The following TTC19 variants were observed in gnomAD, a reference collection of about 807,000 sequenced individuals.
TTC19 encodes tetratricopeptide repeat protein 19, mitochondrial.
In TTC19, 38 loss-of-function variants were observed where a neutral mutation model predicts 49.5. That is an observed-to-expected ratio of 0.77 (90% confidence interval 0.59 to 1.01). The LOEUF is 1.01. Ranked by LOEUF, TTC19 falls within the 50% of genes least tolerant of loss-of-function variation. TTC19 has a pLI of 0.00. For synonymous variants in TTC19, 204 were observed against 185.2 expected (o/e 1.10, Z -0.83); for missense variants, 475 against 477.7 (o/e 0.99, Z 0.05).
At position 16,003,869 on chromosome 17, in the gene TTC19, T is replaced by G. The variant is rs1301280448; in HGVS notation, c.501T>G (p.Leu167=). Residue 167 remains leucine (L), a synonymous_variant, in exon 5 of 10, where the codon CTT becomes CTG. Transcript: ENST00000261647. ...QLFKATMSYL[L]GGGMKQEDNA... ...TTAAAGCAACAATGAGTTACCTCCT[T>G]GGAGGGGGCATGAAGCAGGTAAGGA... is the stretch of plus-strand genomic sequence containing the variant. The G allele has an allele frequency of 6.2e-7, 1 of 1,613,772 alleles. No homozygotes were observed. The highest frequency in any genetic ancestry group is 8.5e-7 in the Non-Finnish European group (1 of 1,179,896).
chr17:16,017,076 G>A (rs923854365), intron 7 of TTC19, among the ~76,000 whole-genome samples: 4 of 152,114 alleles, frequency 2.6e-5, no homozygotes, highest in African/African-American at 7.2e-5. Context: ...TATTTGTTAC[G>A]AATTGTCCCT....
intron 7 of TTC19, among the ~76,000 whole-genome samples, chr17:16,012,729 G>A (rs1971111940): frequency 6.6e-6 from 1 of 151,618 alleles, no homozygotes; most frequent in Admixed American, 6.6e-5. Context: ...GTAGAGACGG[G>A]GTTTCTCCAT....
In TTC19 at chr17:16,028,982, G is replaced by C. The variant is rs1350290447; in HGVS notation, c.*1460G>C. 1 of 430,642 alleles carries C rather than the reference G, an allele frequency of 2.3e-6. No individual in the cohort carries two copies. The highest frequency in any genetic ancestry group is 4.5e-6 in the Non-Finnish European group (1 of 219,784). 26.7% of individuals were successfully genotyped at this position (430,642 alleles called of 1,614,324 possible). A position where few individuals can be genotyped will look rare whatever the true frequency, so the allele number is the denominator to read the frequency against. On this transcript the variant is annotated 3_prime_UTR_variant, in exon 10 of 10. Transcript: ENST00000261647. ...CTAATCTCATATTATTTACCATGCA[G>C]CTAATGCCGTTTACCAAGTCTAGCT... is the stretch of plus-strand genomic sequence containing the variant.
At chr17:16,025,460 C>G (rs1971522445) in intron 8 of TTC19, among the ~76,000 whole-genome samples, 1 of 152,198 alleles carries the variant, frequency 6.6e-6, no homozygotes, top group South Asian at 2.1e-4. Context: ...CTTCAATGGA[C>G]ACAGCACAGT....
chr17:16,027,839 G>C lies in TTC19; in HGVS notation c.*317G>C. The C allele has an allele frequency of 2.1e-6, 1 of 485,752 alleles. No homozygotes were observed. Among genetic ancestry groups the C allele is most frequent in the Non-Finnish European group, 4.1e-6 (1 of 246,872 alleles). 30.1% of individuals were successfully genotyped at this position (485,752 alleles called of 1,614,324 possible). A position where few individuals can be genotyped will look rare whatever the true frequency, so the allele number is the denominator to read the frequency against. Reference sequence around the variant, plus strand: ...ATATGGGCTGGTGTTCCTGTGCGCTGTGGGTGTGGTGATTCAGCCTGGCAT... The same window carrying C: ...ATATGGGCTGGTGTTCCTGTGCGCTCTGGGTGTGGTGATTCAGCCTGGCAT... On this transcript the variant is annotated 3_prime_UTR_variant, in exon 10 of 10. Coordinates refer to ENST00000261647, the MANE Select transcript of TTC19 (RefSeq NM_017775.4).
chr17:16,000,419 C>A (rs1228635886), intron 2 of TTC19, 174 bp downstream of exon 2: 15 of 1,461,572 alleles, frequency 1.0e-5, no homozygotes, highest in South Asian at 2.7e-5. Context: ...TCCATCCAGG[C>A]TTTTCCGACT....
chr17:16,018,867 A>G (rs1971288699), intron 7 of TTC19, among the ~76,000 whole-genome samples: 1 of 152,238 alleles, frequency 6.6e-6, no homozygotes, highest in Non-Finnish European at 1.5e-5. Flanking sequence ...TTGAGGACTT[A>G]CCAAATATCT....
At chr17:16,023,166 G>A (rs775196531) in intron 7 of TTC19, among the ~76,000 whole-genome samples, 6 of 152,148 alleles carry the variant, frequency 3.9e-5, no homozygotes, top group Non-Finnish European at 5.9e-5. Context: ...TTTTCAGAAA[G>A]TGTTTCCATT....
intron 6 of TTC19, 113 bp downstream of exon 6, chr17:16,004,375 A>G: frequency 1.0e-6 from 1 of 1,001,796 alleles, no homozygotes; most frequent in East Asian, 2.4e-5. Context: ...TGGGTGTCAC[A>G]CTCAAAGTGT....
rs1199928170 is a variant in TTC19, at chr17:15,999,910, GCCGGGGCTGCTCCGCGCGCCTGCTC to G, written c.72_96del (p.Cys24TrpfsTer69). 3.6e-6 allele frequency: 5 copies of G among 1,387,292 alleles called. No individual in the cohort carries two copies. The highest frequency in any genetic ancestry group is 4.6e-6 in the Non-Finnish European group (5 of 1,080,422). 85.9% of individuals were successfully genotyped at this position (1,387,292 alleles called of 1,614,324 possible). A position where few individuals can be genotyped will look rare whatever the true frequency, so the allele number is the denominator to read the frequency against. On this transcript the variant is annotated frameshift_variant, in exon 1 of 10. Coordinates refer to ENST00000261647, the MANE Select transcript of TTC19 (RefSeq NM_017775.4). LOFTEE classifies it high-confidence loss of function. ...TTCCTGCGGGCCGCGGGGCGGCGGTGCCGGGGCTGCTCCGCGCGCCTGCTCCCGGGGCTGGCAGGAGGTCCGGGGC... is the reference window on the plus strand; with the variant it reads ...TTCCTGCGGGCCGCGGGGCGGCGGTGCCGGGGCTGGCAGGAGGTCCGGGGC...
intron 2 of TTC19, among the ~76,000 whole-genome samples, chr17:16,038,554 G>A (rs569476961): frequency 1.3e-5 from 2 of 150,306 alleles, no homozygotes; most frequent in African/African-American, 4.9e-5. Flanking sequence ...TTCCCACCTC[G>A]GCCCCCACAA....
At chr17:16,007,005 GA>G in intron 7 of TTC19, among the ~76,000 whole-genome samples, 1 of 152,190 alleles carries the variant, frequency 6.6e-6, no homozygotes. Flanking sequence ...GCTAGGAATA[GA>G]ACTGGATGAG....
chr17:16,034,708 C>A lies in TTC19; in HGVS notation c.247+8006C>A, dbSNP rs1249703097. ...TTGCTGAATTTTGAAGAACTAATAA[C>A]CAAGACATTGATATTATTGCTCTGT... On this transcript the variant is annotated intron_variant, in intron 2 of 2. Transcript: ENST00000470649. The A allele has an allele frequency of 2.1e-6, 3 of 1,443,796 alleles. No homozygotes were observed. The African/African-American group carries it at 4.3e-5, about 21-fold the overall frequency. 89.4% of individuals were successfully genotyped at this position (1,443,796 alleles called of 1,614,324 possible). A position where few individuals can be genotyped will look rare whatever the true frequency, so the allele number is the denominator to read the frequency against.
chr17:16,021,842 T>C (rs534577997), intron 7 of TTC19, among the ~76,000 whole-genome samples: 1 of 152,348 alleles, frequency 6.6e-6, no homozygotes, highest in Admixed American at 6.5e-5. Context: ...ACATTCATCT[T>C]CAGCAAGGTT....
intron 2 of TTC19, among the ~76,000 whole-genome samples, chr17:16,001,210 A>G (rs1970718650): frequency 6.6e-6 from 1 of 151,986 alleles, no homozygotes; most frequent in Non-Finnish European, 1.5e-5. Context: ...ATGGCTACCC[A>G]CTGCATTTAT....
chr17:16,037,083 C>A (rs1215992670), intron 2 of TTC19, among the ~76,000 whole-genome samples: 1 of 152,072 alleles, frequency 6.6e-6, no homozygotes, highest in African/African-American at 2.4e-5. Flanking sequence ...GGTTAATTGG[C>A]CGAATTTGAA....
Position 16,028,543 on chromosome 17 carries a change from T to A in TTC19, c.*1021T>A. On this transcript the variant is annotated 3_prime_UTR_variant, in exon 10 of 10. Transcript: ENST00000261647. The stretch of plus-strand genomic sequence containing the variant: ...GAATAGACTGCTGTGCTGAAAGAGC[T>A]TTATCACACTGTCTCAAAGTATGTA... 2.2e-6 allele frequency: 1 copy of A among 454,050 alleles called. No individual in the cohort carries two copies. The highest frequency in any genetic ancestry group is 4.4e-6 in the Non-Finnish European group (1 of 226,770). 28.1% of individuals were successfully genotyped at this position (454,050 alleles called of 1,614,324 possible).
At chr17:16,034,438 T>A (rs1484292026) in intron 2 of TTC19, among the ~76,000 whole-genome samples, 5 of 151,818 alleles carry the variant, frequency 3.3e-5, no homozygotes, top group Non-Finnish European at 7.4e-5. Context: ...AAAATAAAAA[T>A]TAAAATGAAA....
At chr17:16,021,067 T>C (rs1366002100) in intron 7 of TTC19, among the ~76,000 whole-genome samples, 3 of 152,154 alleles carry the variant, frequency 2.0e-5, no homozygotes, top group Non-Finnish European at 4.4e-5. Context: ...CTAGATATGC[T>C]GCTAGGTGCT....
Sources: gnomAD v4.1 joint callset for allele counts (sites outside exome capture counted in the v4.1 genomes callset) on GRCh38, gnomAD v4.1.1 for gene constraint, MANE v1.5 for transcripts, NCBI Gene and HGNC (gene_info 2026-07-23, HGNC 2026-07-21) for gene names.